Variants in XIRP2 observed in about 807,000 individuals in gnomAD.
The protein encoded by XIRP2 is xin actin-binding repeat-containing protein 2.
A neutral mutation model predicts 277.0 loss-of-function variants in XIRP2; 236 were observed. The ratio of observed to expected loss-of-function variants is 0.85; its 90% confidence interval spans 0.77 to 0.95. The LOEUF is 0.95. Among genes scored for constraint, XIRP2 ranks in the 40% least tolerant of loss-of-function variants. The probability of loss-of-function intolerance (pLI) is 0.00; values close to 1 mark genes in which losing one functional copy is unlikely to be tolerated. For synonymous variants in XIRP2, 1,490 were observed against 1,416.5 expected (o/e 1.05, Z -1.17); for missense variants, 4,640 against 4,157.5 (o/e 1.12, Z -3.19).
intron 2 of XIRP2, among the ~76,000 whole-genome samples, chr2:166,934,947 C>T (rs537775984): frequency 3.2e-4 from 48 of 152,184 alleles, no homozygotes; most frequent in South Asian, 3.1e-3. Context: ...AGGAGAATGG[C>T]TTGAACCCAG....
At chr2:166,930,172 A>G (rs576299350) in intron 2 of XIRP2, among the ~76,000 whole-genome samples, 1 of 152,260 alleles carries the variant, frequency 6.6e-6, no homozygotes, top group South Asian at 2.1e-4. Context: ...TATGTTTAAC[A>G]TAAGGCACTT....
chr2:167,060,513 G>T (rs571606054), intron 2 of XIRP2, among the ~76,000 whole-genome samples: 182 of 152,098 alleles, frequency 1.2e-3, no homozygotes, highest in African/African-American at 2.4e-3. Flanking sequence ...ATTTTGAGGG[G>T]TTTTTTGTAT....
At chr2:166,910,205 A>G (rs1490531545) in intron 2 of XIRP2, among the ~76,000 whole-genome samples, 2 of 152,072 alleles carry the variant, frequency 1.3e-5, no homozygotes, top group African/African-American at 4.8e-5. Context: ...TTCTCCTTGT[A>G]CCTCTGGTAG....
At chr2:166,999,847 G>A (rs374305835) in intron 2 of XIRP2, among the ~76,000 whole-genome samples, 1 of 151,974 alleles carries the variant, frequency 6.6e-6, no homozygotes, top group African/African-American at 2.4e-5. Context: ...ATAGAAAGGG[G>A]AATATTTTCT....
chr2:167,074,232 G>A (rs575894758), intron 2 of XIRP2, among the ~76,000 whole-genome samples: 2 of 151,962 alleles, frequency 1.3e-5, no homozygotes, highest in East Asian at 3.9e-4. Flanking sequence ...CAAGGTTTAA[G>A]GATAAATATG....
chr2:166,953,415 G>T (rs778705997), intron 2 of XIRP2, among the ~76,000 whole-genome samples: 3 of 151,960 alleles, frequency 2.0e-5, no homozygotes, highest in Non-Finnish European at 2.9e-5. Flanking sequence ...ACATGCCCTT[G>T]CCTGCTGCCA....
intron 2 of XIRP2, among the ~76,000 whole-genome samples, chr2:167,120,713 G>T (rs1427615046): frequency 6.6e-6 from 1 of 152,040 alleles, no homozygotes; most frequent in African/African-American, 2.4e-5. Context: ...ATGTATCTCA[G>T]GCTCTTATCT....
chr2:166,947,744 T>G (rs1257999227), intron 2 of XIRP2, among the ~76,000 whole-genome samples: 2 of 152,136 alleles, frequency 1.3e-5, no homozygotes, highest in African/African-American at 2.4e-5. Context: ...ATCCAGGACT[T>G]GGGCTCCTTG....
At chr2:167,029,739 G>T (rs1056451599) in intron 2 of XIRP2, among the ~76,000 whole-genome samples, 1 of 152,002 alleles carries the variant, frequency 6.6e-6, no homozygotes, top group African/African-American at 2.4e-5. Context: ...TTAGGGAGGA[G>T]TCCCTCTTTT....
chr2:167,146,606 G>A (rs146106046), intron 3 of XIRP2, among the ~76,000 whole-genome samples: 158 of 151,738 alleles, frequency 1.0e-3, no homozygotes, highest in African/African-American at 3.6e-3. Context: ...AAGGTAGGAC[G>A]GACACAATAA....
intron 2 of XIRP2, among the ~76,000 whole-genome samples, chr2:166,975,930 CAAAAAAAAAAAAAAAA>C (rs550529718): frequency 2.0e-4 from 9 of 45,704 alleles, no homozygotes; most frequent in South Asian, 7.7e-4. Context: ...GACTCCGTCT[CAAAAAAAAAAAAAAAA>C]AAAAAAAAAA....
intron 2 of XIRP2, among the ~76,000 whole-genome samples, chr2:167,045,383 A>G (rs1310079010): frequency 6.6e-6 from 1 of 152,168 alleles, no homozygotes; most frequent in African/African-American, 2.4e-5. Flanking sequence ...CAATTGCAAC[A>G]AAAACAAAAA....
At chr2:166,995,753 T>C (rs1186024332) in intron 2 of XIRP2, among the ~76,000 whole-genome samples, 1 of 151,866 alleles carries the variant, frequency 6.6e-6, no homozygotes, top group Non-Finnish European at 1.5e-5. Context: ...TTTTAAGCTG[T>C]TATAAAATTT....
intron 2 of XIRP2, among the ~76,000 whole-genome samples, chr2:167,112,369 G>A (rs1690781274): frequency 2.0e-5 from 3 of 151,646 alleles, no homozygotes; most frequent in African/African-American, 7.3e-5. Flanking sequence ...CTTTGTTCTT[G>A]TCAGTTTCTA....
Position 167,188,345 on chromosome 2 carries a change from A to G in XIRP2, c.563-22390A>G, listed in dbSNP as rs534109978. ...GATAACAGAATCTCTTAAGACACCA[A>G]CTAAAAGCAAGGACACTTTAAGATT... On this transcript the variant is annotated intron_variant, in intron 3 of 10. Coordinates refer to ENST00000409195, the MANE Select transcript of XIRP2 (RefSeq NM_152381.6). Among the ~76,000 whole-genome samples the G allele has an allele frequency of 8.5e-5, 13 of 152,336 alleles. No individual in the cohort carries two copies. The East Asian group carries it at 2.5e-3, about 29-fold the overall frequency.
intron 2 of XIRP2, among the ~76,000 whole-genome samples, chr2:167,034,027 T>A (rs1159431710): frequency 6.6e-6 from 1 of 152,114 alleles, no homozygotes; most frequent in African/African-American, 2.4e-5. Context: ...TATCTTGAGT[T>A]GAAAGAATAC....
Position 166,910,819 on chromosome 2 carries a change from T to G in XIRP2, c.408+6929T>G, listed in dbSNP as rs572516298. On this transcript the variant is annotated intron_variant, in intron 2 of 10. Coordinates refer to ENST00000409195, the MANE Select transcript of XIRP2 (RefSeq NM_152381.6). ...GAGATTCTGGTATGTTGTGTCTTTG[T>G]TCTCATTGGTTTCAAAGAACATCTT... Among the ~76,000 whole-genome samples, 6 of 152,322 alleles carry G rather than the reference T, an allele frequency of 3.9e-5. No individual in the cohort carries two copies. The East Asian group carries it at 1.2e-3, about 29-fold the overall frequency.
intron 2 of XIRP2, among the ~76,000 whole-genome samples, chr2:166,953,063 C>T (rs934215105): frequency 1.3e-5 from 2 of 151,934 alleles, no homozygotes. Flanking sequence ...CTTAAAATAG[C>T]CTACTGGTTC....
intron 2 of XIRP2, among the ~76,000 whole-genome samples, chr2:167,084,025 CA>C (rs1689836869): frequency 6.6e-6 from 1 of 151,678 alleles, no homozygotes; most frequent in African/African-American, 2.4e-5. Flanking sequence ...TGCCAGTTTT[CA>C]AAGGGAATGC....
Sources: allele counts gnomAD v4.1 joint callset (sites outside exome capture counted in the v4.1 genomes callset), GRCh38; gene constraint gnomAD v4.1.1; transcripts MANE v1.5; gene names NCBI Gene and HGNC (gene_info 2026-07-23, HGNC 2026-07-21).